THSD7B: variants seen among roughly 807,000 people sequenced by gnomAD.
THSD7B encodes the protein thrombospondin type 1 domain containing 7B.
THSD7B carries 138 observed loss-of-function variants against 213.6 expected under a neutral mutation model. The observed-to-expected ratio is 0.65, with a 90% confidence interval of 0.56 to 0.74. The LOEUF (loss-of-function observed/expected upper bound fraction) is 0.74. Among genes scored for constraint, THSD7B ranks in the 30% least tolerant of loss-of-function variants. The probability of loss-of-function intolerance (pLI) is 0.00; values close to 1 mark genes in which losing one functional copy is unlikely to be tolerated. For synonymous variants in THSD7B, 742 were observed against 687.0 expected, an observed-to-expected ratio of 1.08 and a Z score of -1.25; for missense variants, 1,931 against 1,991.5, an observed-to-expected ratio of 0.97 and a Z score of 0.58.
At chr2:136,793,986 G>A (rs1682014445) in intron 1 of THSD7B, among the ~76,000 whole-genome samples, 1 of 151,228 alleles carries the variant, frequency 6.6e-6, no homozygotes, top group South Asian at 2.1e-4. Flanking sequence ...TTTTGTGAAT[G>A]TATCCCTTTC....
chr2:137,479,590 G>A (rs1458512146), intron 15 of THSD7B: 1 of 228,076 alleles, frequency 4.4e-6, no homozygotes, highest in South Asian at 3.8e-5. Flanking sequence ...GCTGCAAGCA[G>A]GTAGCCTTTC....
At chr2:137,203,945 A>G (rs906837989) in intron 7 of THSD7B, among the ~76,000 whole-genome samples, 2 of 152,112 alleles carry the variant, frequency 1.3e-5, no homozygotes, top group African/African-American at 2.4e-5. Flanking sequence ...GTCAGATAAG[A>G]GTACACAGAC....
At chr2:136,952,014 C>T (rs1337316873) in intron 2 of THSD7B, among the ~76,000 whole-genome samples, 1 of 152,050 alleles carries the variant, frequency 6.6e-6, no homozygotes. Context: ...GAACTACAGG[C>T]ACGCACCATC....
intron 12 of THSD7B, among the ~76,000 whole-genome samples, chr2:137,314,504 C>G (rs1292380411): frequency 1.3e-5 from 2 of 152,144 alleles, no homozygotes; most frequent in South Asian, 2.1e-4. Flanking sequence ...TCTTCTCTCA[C>G]CTCGTCAAAG....
At chr2:137,116,534 A>T (rs1190007054) in intron 5 of THSD7B, among the ~76,000 whole-genome samples, 1 of 152,224 alleles carries the variant, frequency 6.6e-6, no homozygotes, top group African/African-American at 2.4e-5. Flanking sequence ...AGGGATCAAC[A>T]TATAAATAAA....
At chr2:137,131,454 C>T (rs1209879216) in intron 5 of THSD7B, among the ~76,000 whole-genome samples, 1 of 152,092 alleles carries the variant, frequency 6.6e-6, no homozygotes, top group African/African-American at 2.4e-5. Context: ...AGTCCTTGCC[C>T]ATGCCTATGT....
At chr2:137,563,772 A>G (rs1333537149) in intron 16 of THSD7B, among the ~76,000 whole-genome samples, 1 of 152,204 alleles carries the variant, frequency 6.6e-6, no homozygotes, top group African/African-American at 2.4e-5. Flanking sequence ...TTTAAACCCC[A>G]TGATTAGCCT....
At chr2:137,315,746 A>T (rs186491799) in intron 12 of THSD7B, among the ~76,000 whole-genome samples, 1 of 152,300 alleles carries the variant, frequency 6.6e-6, no homozygotes, top group East Asian at 1.9e-4. Context: ...GTAGAGATAG[A>T]GTGTTTTGTT....
At chr2:137,295,449 T>C (rs933138897) in intron 12 of THSD7B, among the ~76,000 whole-genome samples, 2 of 152,126 alleles carry the variant, frequency 1.3e-5, no homozygotes, top group Non-Finnish European at 2.9e-5. Context: ...TTACATAGAA[T>C]ATTTTGCCCT....
chr2:136,942,995 A>G (rs1024469576), intron 2 of THSD7B, among the ~76,000 whole-genome samples: 3 of 152,158 alleles, frequency 2.0e-5, no homozygotes, highest in African/African-American at 7.2e-5. Context: ...CTTTGTCATA[A>G]ATAGTTCTTA....
rs990062553 is a variant in THSD7B at position 137,067,159 on chromosome 2, T to C, written c.950+9929T>C. ...TTGTGCTACATTTCCAGTCTGATAA[T>C]GCTAAAATCTCTGCCATATCTGAAT... On this transcript the variant is annotated intron_variant, in intron 3 of 27. Coordinates refer to ENST00000409968, the MANE Select transcript of THSD7B (RefSeq NM_001316349.2). Among the ~76,000 whole-genome samples the C allele has an allele frequency of 4.6e-5, 7 of 152,272 alleles. No individual in the cohort carries two copies. In the East Asian group the frequency reaches 1.4e-3, roughly 29 times the overall value.
At chr2:137,082,086 A>G (rs1298461064) in intron 3 of THSD7B, among the ~76,000 whole-genome samples, 1 of 152,042 alleles carries the variant, frequency 6.6e-6, no homozygotes, top group Non-Finnish European at 1.5e-5. Context: ...TGAACTGCCA[A>G]GTTCCGAACT....
intron 12 of THSD7B, among the ~76,000 whole-genome samples, chr2:137,304,122 C>T (rs1346997372): frequency 1.3e-5 from 2 of 151,956 alleles, no homozygotes; most frequent in African/African-American, 2.4e-5. Context: ...CATGTCCCTG[C>T]AAAGGACATG....
chr2:136,798,658 A>G (rs981801305), intron 1 of THSD7B, among the ~76,000 whole-genome samples: 2 of 151,972 alleles, frequency 1.3e-5, no homozygotes, highest in Non-Finnish European at 2.9e-5. Context: ...CGCTAAAAAC[A>G]AAACAAAGCA....
chr2:137,299,651 G>A (rs1273899433), intron 12 of THSD7B, among the ~76,000 whole-genome samples: 3 of 152,026 alleles, frequency 2.0e-5, no homozygotes, highest in Non-Finnish European at 4.4e-5. Flanking sequence ...GAAAGATGTA[G>A]GGAATATTTG....
chr2:137,581,218 G>A (rs1334128493), intron 17 of THSD7B, among the ~76,000 whole-genome samples: 2 of 152,050 alleles, frequency 1.3e-5, no homozygotes, highest in Admixed American at 1.3e-4. Flanking sequence ...ATTATTTTTA[G>A]AATTTGTCAT....
In THSD7B at chr2:137,272,673, A is replaced by G. The variant is rs1682773842; in HGVS notation, c.2396+11A>G. ...GTGTCCTGTATATCGGCAAGTAGTT[A>G]CCTTTTAAAATTATCGTTAGACCTA... On this transcript the variant is annotated intron_variant, in intron 11 of 27. Transcript: ENST00000409968. 3 of 1,609,334 alleles carry G rather than the reference A, an allele frequency of 1.9e-6. No homozygotes were observed. Among genetic ancestry groups the G allele is most frequent in the African/African-American group, 2.7e-5 (2 of 74,876 alleles).
chr2:137,670,204 G>A (rs531447433), intron 27 of THSD7B, among the ~76,000 whole-genome samples: 90 of 152,046 alleles, frequency 5.9e-4, no homozygotes, highest in Non-Finnish European at 8.7e-4. Flanking sequence ...TATTTGGACC[G>A]GCTCCCATCT....
At chr2:137,000,053 A>G (rs1685972786) in intron 2 of THSD7B, among the ~76,000 whole-genome samples, 5 of 152,302 alleles carry the variant, frequency 3.3e-5, no homozygotes, top group South Asian at 4.1e-4. Flanking sequence ...ACAGGAATGT[A>G]TAATGGAAGA....
Sources: gnomAD v4.1 joint callset for allele counts (sites outside exome capture counted in the v4.1 genomes callset) on GRCh38, gnomAD v4.1.1 for gene constraint, MANE v1.5 for transcripts, NCBI Gene and HGNC (gene_info 2026-07-23, HGNC 2026-07-21) for gene names.